PDE4A: variants seen among roughly 807,000 people sequenced by gnomAD.
The protein encoded by PDE4A is 3',5'-cyclic-AMP phosphodiesterase 4A.
PDE4A carries 21 observed loss-of-function variants against 73.9 expected under a neutral mutation model. The observed-to-expected ratio is 0.28, with a 90% CI of 0.20 to 0.41. The LOEUF (loss-of-function observed/expected upper bound fraction) is 0.41, where lower values mean the gene tolerates loss of function less well. Ranked by LOEUF, PDE4A falls within the 10% of genes least tolerant of loss-of-function variation. PDE4A has a pLI of 1.00. For synonymous variants in PDE4A, 463 were observed against 505.4 expected (o/e 0.92, Z 1.13); for missense variants, 958 against 1,211.4 (o/e 0.79, Z 3.10).
intron 1 of PDE4A, among the ~76,000 whole-genome samples, chr19:10,430,465 G>A (rs1443927752): frequency 6.6e-6 from 1 of 151,986 alleles, no homozygotes; most frequent in Admixed American, 6.5e-5. Context: ...GGACAATGAG[G>A]GTGCTCCTTG....
intron 6 of PDE4A, chr19:10,452,992 C>A: frequency 6.2e-6 from 8 of 1,280,940 alleles, no homozygotes; most frequent in South Asian, 2.0e-5. Flanking sequence ...GCCCTGCCCC[C>A]CTCCCATGGG....
At chr19:10,459,099 A>T in intron 8 of PDE4A, 1 of 390,368 alleles carries the variant, frequency 2.6e-6, no homozygotes. Flanking sequence ...TATGAGCTGC[A>T]TGATCTTGGA....
At chr19:10,450,696 C>T in intron 5 of PDE4A, 44 bp downstream of exon 5, 4 of 1,592,528 alleles carry the variant, frequency 2.5e-6, no homozygotes, top group Non-Finnish European at 2.6e-6. Context: ...CCTTGCTGCC[C>T]CAGTGGGGGT....
rs185376727 is a variant in PDE4A at position 10,438,419 on chromosome 19, T to C, written c.321-7799T>C. Reference sequence around the variant, plus strand: ...AGCCACCACACCTGGCCAGGACTTTTTAATGTTCTCAGACTGAAACTTTAA... The same window carrying C: ...AGCCACCACACCTGGCCAGGACTTTCTAATGTTCTCAGACTGAAACTTTAA... On this transcript the variant is annotated intron_variant, in intron 1 of 14. Coordinates refer to ENST00000380702, the MANE Select transcript of PDE4A (RefSeq NM_001111307.2). Among the ~76,000 whole-genome samples the C allele has an allele frequency of 3.9e-5, 6 of 151,978 alleles. No individual in the cohort carries two copies. In the East Asian group the frequency reaches 9.7e-4, roughly 25 times the overall value.
chr19:10,444,498 CA>C (rs1180202891), intron 1 of PDE4A, among the ~76,000 whole-genome samples: 4,505 of 124,508 alleles, frequency 0.036, 185 homozygotes, highest in African/African-American at 0.11. Flanking sequence ...AACTCCATCT[CA>C]AAAAAAAAAA....
At chr19:10,459,966 T>C (rs1351845084) in intron 10 of PDE4A, among the ~76,000 whole-genome samples, 6 of 152,048 alleles carry the variant, frequency 3.9e-5, no homozygotes, top group Admixed American at 2.0e-4. Flanking sequence ...CTGCAACCTC[T>C]GCCTCCCGGG....
chr19:10,446,286 G>C lies in PDE4A; in HGVS notation c.389G>C (p.Gly130Ala). The C allele has an allele frequency of 1.2e-6, 2 of 1,609,422 alleles. No homozygotes were observed. Among genetic ancestry groups the C allele is most frequent in the South Asian group, 1.1e-5 (1 of 90,466 alleles). ...CCCCTGGACTCGCAGGCGAGCCCAG[G>C]ACTCGTGCTGCACGCCGGGGCGGCC... ...RSPLDSQASP[G>A]LVLHAGAATS... The change falls in exon 2 of 15, where the codon GGA (glycine) becomes GCA (alanine). Residue 130 changes from glycine to alanine, a missense_variant. By Grantham distance (60) the Gly-to-Ala change is moderately conservative. Transcript: ENST00000380702.
chr19:10,440,257 T>C (rs925007187), intron 1 of PDE4A, among the ~76,000 whole-genome samples: 2 of 152,132 alleles, frequency 1.3e-5, no homozygotes, highest in Non-Finnish European at 2.9e-5. Context: ...GCGCTGGGAT[T>C]ACAGGCATGA....
chr19:10,459,204 G>C (rs2043219087), intron 8 of PDE4A, 196 bp from the exon 9 acceptor site: 1 of 906,752 alleles, frequency 1.1e-6, no homozygotes, highest in African/African-American at 1.7e-5. Flanking sequence ...GTACTCAAAA[G>C]ACAGTGGCTG....
At chr19:10,441,689 T>TA (rs1054176781) in intron 1 of PDE4A, among the ~76,000 whole-genome samples, 2 of 143,234 alleles carry the variant, frequency 1.4e-5, no homozygotes, top group African/African-American at 5.2e-5. Context: ...GAGTTATTTT[T>TA]TTTTTTTTTT....
At chr19:10,452,960 G>T (rs1825372214) in intron 6 of PDE4A, 2 of 1,162,886 alleles carry the variant, frequency 1.7e-6, no homozygotes, top group South Asian at 2.5e-5. Flanking sequence ...ACAGAGCTCC[G>T]CAGCCTCCTC....
At position 10,469,139 on chromosome 19, in the gene PDE4A, G is replaced by C. The variant is rs2043434441; in HGVS notation, c.*1518G>C. 1 of 152,212 alleles carries C rather than the reference G, an allele frequency of 6.6e-6. No individual in the cohort carries two copies. Among genetic ancestry groups the C allele is most frequent in the Non-Finnish European group, 1.5e-5 (1 of 67,986 alleles). 9.4% of individuals were successfully genotyped at this position (152,212 alleles called of 1,614,324 possible). On this transcript the variant is annotated 3_prime_UTR_variant, in exon 15 of 15. Coordinates refer to ENST00000380702, the MANE Select transcript of PDE4A (RefSeq NM_001111307.2). ...TTTGTCCCAGCCGGCGATCGGAGTG[G>C]GCCTTTTCTTTCTTTTTGTTCATTC...
intron 1 of PDE4A, chr19:10,432,306 G>T: frequency 8.2e-7 from 1 of 1,216,506 alleles, no homozygotes; most frequent in East Asian, 3.5e-5. Context: ...TGTCCCTGGG[G>T]GGGTCACCAG....
intron 13 of PDE4A, among the ~76,000 whole-genome samples, chr19:10,463,395 C>CTTTTTTT (rs35214617): frequency 1.0e-5 from 1 of 100,372 alleles, no homozygotes; most frequent in Non-Finnish European, 1.9e-5. Context: ...CAGCCCCATT[C>CTTTTTTT]TTTTTTTTTT....
chr19:10,454,648 A>G, intron 6 of PDE4A, 181 bp from the exon 7 acceptor site: 1 of 617,824 alleles, frequency 1.6e-6, no homozygotes, highest in Non-Finnish European at 2.0e-6. Flanking sequence ...ACCTCCATCC[A>G]GAGCTGGGAG....
At chr19:10,420,432 C>A, upstream of PDE4A, 1 of 828,618 alleles carries the variant, frequency 1.2e-6, no homozygotes, top group Non-Finnish European at 1.4e-6. This position sits in a 1 kb window ranked among gnomAD's most constrained non-coding sequence, Gnocchi z 6.0. Context: ...AGGAGGGGGG[C>A]GGCGCTGACA....
upstream of PDE4A, chr19:10,418,715 C>A (rs943064062): frequency 2.0e-6 from 2 of 979,208 alleles, no homozygotes; most frequent in Non-Finnish European, 2.4e-6. Context: ...TCTTCTGCAA[C>A]CCCAGCTGTG....
chr19:10,459,552 G>A, intron 9 of PDE4A, 43 bp from the exon 10 acceptor site: 1 of 1,610,914 alleles, frequency 6.2e-7, no homozygotes, highest in Non-Finnish European at 8.5e-7. Flanking sequence ...GCGGGGCGCT[G>A]GAGGCCGGTG....
In PDE4A at chr19:10,437,807, G is replaced by GTTTT. The variant is rs35319180; in HGVS notation, c.321-8399_321-8396dup. Among the ~76,000 whole-genome samples the GTTTT allele has an allele frequency of 8.0e-4, 102 of 128,080 alleles. 2 individuals are homozygous for GTTTT. The highest frequency in any genetic ancestry group is 2.8e-3 in the African/African-American group (95 of 33,950). The allele number at this position is 128,080 out of a possible 152,430, so 84.0% of individuals were successfully genotyped here. On this transcript the variant is annotated intron_variant, in intron 1 of 14. Transcript: ENST00000380702. ...ATCACCACCATCCATCTCCAGGACT[G>GTTTT]TTTTTTTTTTTTTTTGAGACAGGGT... is the stretch of plus-strand genomic sequence containing the variant.
Sources: gnomAD v4.1 joint callset for allele counts (sites outside exome capture counted in the v4.1 genomes callset) on GRCh38, gnomAD v4.1.1 for gene constraint, Gnocchi (gnomAD v3.1) non-coding constraint, MANE v1.5 for transcripts, NCBI Gene and HGNC (gene_info 2026-07-23, HGNC 2026-07-21) for gene names.